Variants in ARID4B observed in about 807,000 individuals in gnomAD.
ARID4B encodes the protein AT-rich interaction domain 4B.
In ARID4B, 26 loss-of-function variants were observed where a neutral mutation model predicts 147.5. The ratio of observed to expected loss-of-function variants is 0.18; its 90% CI spans 0.13 to 0.24. The LOEUF (loss-of-function observed/expected upper bound fraction) is 0.24. Ranked by LOEUF, ARID4B falls within the 10% of genes least tolerant of loss-of-function variation. The probability of loss-of-function intolerance (pLI) is 1.00; values close to 1 mark genes in which losing one functional copy is unlikely to be tolerated. For missense variants in ARID4B, 1,179 were observed against 1,511.5 expected (o/e 0.78, Z 3.65); for synonymous variants, 512 against 507.9 (o/e 1.01, Z -0.11).
chr1:235,187,083 T>C (rs1664741753), intron 19 of ARID4B: 2 of 379,154 alleles, frequency 5.3e-6, no homozygotes, highest in South Asian at 1.9e-5. Context: ...TATTCTTTTT[T>C]TTTTTTTTTT....
chr1:235,183,450 C>T (rs1469703604), intron 19 of ARID4B, among the ~76,000 whole-genome samples: 3 of 152,278 alleles, frequency 2.0e-5, no homozygotes, highest in African/African-American at 4.8e-5. Context: ...CCTCGTGACC[C>T]GCCCTCCTCG....
At chr1:235,207,604 A>G (rs930231013) in intron 17 of ARID4B, among the ~76,000 whole-genome samples, 1 of 152,234 alleles carries the variant, frequency 6.6e-6, no homozygotes, top group Non-Finnish European at 1.5e-5. Context: ...ATACCTTAAT[A>G]AAGAATTTAT....
intron 2 of ARID4B, among the ~76,000 whole-genome samples, chr1:235,309,466 G>C (rs1253437245): frequency 0.013 from 1,863 of 148,068 alleles, 69 homozygotes; most frequent in Admixed American, 0.062. Flanking sequence ...CATCCGGGAG[G>C]TAAGGGGCGC....
intron 17 of ARID4B, among the ~76,000 whole-genome samples, chr1:235,210,502 G>A (rs533691719): frequency 1.9e-4 from 29 of 152,060 alleles, no homozygotes; most frequent in Non-Finnish European, 3.5e-4. Context: ...AGAACTGGAG[G>A]AGCCGCAAAA....
At position 235,169,275 on chromosome 1, in the gene ARID4B, C is replaced by A. The variant is rs900682319; in HGVS notation, c.3812-623G>T. Among the ~76,000 whole-genome samples, 9 of 151,506 alleles carry A rather than the reference C, an allele frequency of 5.9e-5. No homozygotes were observed. The East Asian group carries it at 1.7e-3, about 29-fold the overall frequency. On this transcript the variant is annotated intron_variant, in intron 23 of 23. Transcript: ENST00000264183. ...TTTTTGAGACAAAGTCTCGCTCTGTCTGTCGCCCAGGCTGGAGTGCAGTGG... is the reference window on the plus strand; with the variant it reads ...TTTTTGAGACAAAGTCTCGCTCTGTATGTCGCCCAGGCTGGAGTGCAGTGG...
At chr1:235,194,762 T>C (rs948409031) in intron 18 of ARID4B, among the ~76,000 whole-genome samples, 1 of 152,006 alleles carries the variant, frequency 6.6e-6, no homozygotes, top group Non-Finnish European at 1.5e-5. Flanking sequence ...GAGGTTGCGG[T>C]GAGCCAAGAT....
rs780251025 is a variant in ARID4B, at chr1:235,172,669, C to A, written c.3760G>T (p.Val1254Leu). Reference protein sequence around the residue: ...RKHYLSLKSEVASIDRRRKRL... With the variant: ...RKHYLSLKSELASIDRRRKRL... ...TTTCTCCTCCGATCAATGGAAGCTACTTCAGATTTTAATGACAGATAATGT... is the reference window on the plus strand; with the variant it reads ...TTTCTCCTCCGATCAATGGAAGCTAATTCAGATTTTAATGACAGATAATGT... The change falls in exon 23 of 24, where the codon GTA becomes TTA. Residue 1254 changes from valine to leucine, a missense_variant. By Grantham distance (32) the Val-to-Leu change is conservative. This residue lies in a region of ARID4B where 357 missense variants were observed against 427.3 expected (regional missense o/e 0.84). Coordinates refer to ENST00000264183, the MANE Select transcript of ARID4B (RefSeq NM_016374.6). The A allele has an allele frequency of 6.2e-7, 1 of 1,607,872 alleles. No individual in the cohort carries two copies. Among genetic ancestry groups the A allele is most frequent in the Non-Finnish European group, 8.5e-7 (1 of 1,177,332 alleles).
intron 2 of ARID4B, among the ~76,000 whole-genome samples, chr1:235,265,196 C>T (rs975432009): frequency 6.6e-6 from 1 of 150,974 alleles, no homozygotes; most frequent in Non-Finnish European, 1.5e-5. Flanking sequence ...AAAACCCCCT[C>T]TCTACTAAAA....
intron 19 of ARID4B, among the ~76,000 whole-genome samples, chr1:235,189,286 G>A (rs1664908370): frequency 1.3e-5 from 2 of 150,534 alleles, no homozygotes; most frequent in African/African-American, 2.4e-5. Context: ...TGTAATACCA[G>A]CTACTCGGGA....
chr1:235,206,076 A>C (rs1196653026), intron 17 of ARID4B, among the ~76,000 whole-genome samples: 1 of 152,176 alleles, frequency 6.6e-6, no homozygotes, highest in Non-Finnish European at 1.5e-5. Context: ...AGTGGCTTTT[A>C]TTTGGATTTT....
In ARID4B at chr1:235,167,808, C is replaced by T. The variant is rs1264309415; in HGVS notation, c.*717G>A. ...GTTTATTAGCCATTTTCTTTTTTCACACAATGTATATCAAAATTAAAAAAA... is the reference window on the plus strand; with the variant it reads ...GTTTATTAGCCATTTTCTTTTTTCATACAATGTATATCAAAATTAAAAAAA... On this transcript the variant is annotated 3_prime_UTR_variant, in exon 24 of 24. Transcript: ENST00000264183. 5.2e-6 allele frequency: 1 copy of T among 193,994 alleles called. No homozygotes were observed. The highest frequency in any genetic ancestry group is 1.9e-4 in the South Asian group (1 of 5,174). The allele number at this position is 193,994 out of a possible 1,614,324, so 12.0% of individuals were successfully genotyped here. A position where few individuals can be genotyped will look rare whatever the true frequency, so the allele number is the denominator to read the frequency against.
intron 2 of ARID4B, among the ~76,000 whole-genome samples, chr1:235,274,995 G>T (rs1282965842): frequency 5.8e-5 from 6 of 103,784 alleles, no homozygotes; most frequent in Middle Eastern, 5.2e-3. Flanking sequence ...GCCTAATTTT[G>T]TGTGTGTGTG....
chr1:235,277,645 A>ACTGGT (rs1671425983), intron 2 of ARID4B, among the ~76,000 whole-genome samples: 2 of 50,366 alleles, frequency 4.0e-5, no homozygotes, highest in Admixed American at 2.2e-4. Flanking sequence ...TGTGTGTTTC[A>ACTGGT]TTGGTTTTGT....
At chr1:235,321,667 T>C (rs1270179877) in intron 2 of ARID4B, among the ~76,000 whole-genome samples, 1 of 152,050 alleles carries the variant, frequency 6.6e-6, no homozygotes, top group Non-Finnish European at 1.5e-5. Flanking sequence ...AATTTCTATT[T>C]TTTGTATTTT....
chr1:235,234,577 G>A, intron 8 of ARID4B, 85 bp from the exon 9 acceptor site: 2 of 987,374 alleles, frequency 2.0e-6, no homozygotes, highest in Non-Finnish European at 3.0e-6. Context: ...TTTAAAAAGT[G>A]TAAGCTTGAA....
intron 18 of ARID4B, among the ~76,000 whole-genome samples, chr1:235,195,582 A>G (rs1665438926): frequency 6.7e-6 from 1 of 149,600 alleles, no homozygotes; most frequent in Non-Finnish European, 1.5e-5. Flanking sequence ...ACAGAGCGAG[A>G]CTCTGTCTCC....
intron 9 of ARID4B, among the ~76,000 whole-genome samples, chr1:235,232,560 G>A (rs1668306501): frequency 8.7e-6 from 1 of 115,586 alleles, no homozygotes; most frequent in South Asian, 3.5e-4. Flanking sequence ...GGGCAACATG[G>A]CAAAAAAAAA....
intron 17 of ARID4B, among the ~76,000 whole-genome samples, chr1:235,211,789 C>A (rs1666735270): frequency 6.6e-6 from 1 of 152,126 alleles, no homozygotes; most frequent in Non-Finnish European, 1.5e-5. Flanking sequence ...ATATCCTAGG[C>A]AGAAGTAGAA....
rs768600040 is a variant in ARID4B, at chr1:235,221,886, ATTTTTTTTTTTTTTT to A, written c.1066-239_1066-225del. ...TGTTGAAATATTAAGTCATTTGACTATTTTTTTTTTTTTTTTTTTTTTTTTTTTTTTTTTGGAGAC... is the reference window on the plus strand; with the variant it reads ...TGTTGAAATATTAAGTCATTTGACTATTTTTTTTTTTTTTTTTTTGGAGAC... On this transcript the variant is annotated intron_variant, in intron 13 of 23. Transcript: ENST00000264183. Among the ~76,000 whole-genome samples the A allele has an allele frequency of 6.9e-4, 37 of 53,658 alleles. No homozygotes were observed. In the East Asian group the frequency reaches 7.2e-3, roughly 10 times the overall value. 35.2% of individuals were successfully genotyped at this position (53,658 alleles called of 152,430 possible).
Sources: allele counts gnomAD v4.1 joint callset (sites outside exome capture counted in the v4.1 genomes callset), GRCh38; gene constraint gnomAD v4.1.1; regional missense constraint gnomAD v4.1.1; transcripts MANE v1.5; gene names NCBI Gene and HGNC (gene_info 2026-07-23, HGNC 2026-07-21).